The following PFDN4 variants were observed in gnomAD, a reference collection of about 807,000 sequenced individuals.
PFDN4 encodes the protein prefoldin 4.
A neutral mutation model predicts 17.6 loss-of-function variants in PFDN4; 6 were observed. The ratio of observed to expected loss-of-function variants is 0.34; its 90% CI spans 0.19 to 0.67. The LOEUF (loss-of-function observed/expected upper bound fraction) is 0.67, where lower values mean the gene tolerates loss of function less well. Ranked by LOEUF, PFDN4 falls within the 30% of genes least tolerant of loss-of-function variation. The pLI is 0.68. For missense variants in PFDN4, 119 were observed against 158.4 expected, an observed-to-expected ratio of 0.75 and a Z score of 1.33; for synonymous variants, 48 against 51.1, an observed-to-expected ratio of 0.94 and a Z score of 0.26.
At chr20:54,217,014 T>C (rs1166993153) in intron 3 of PFDN4, among the ~76,000 whole-genome samples, 1 of 152,184 alleles carries the variant, frequency 6.6e-6, no homozygotes, top group East Asian at 1.9e-4. Flanking sequence ...GAGTGCTTAC[T>C]CTGTATCAGG....
chr20:54,214,599 G>C (rs1282885269), intron 2 of PFDN4, 141 bp downstream of exon 2: 3 of 509,824 alleles, frequency 5.9e-6, no homozygotes, highest in East Asian at 3.4e-5. Flanking sequence ...TAAGCAGAAA[G>C]TCATTTTTTT....
chr20:54,208,129 G>T lies in PFDN4; in HGVS notation c.24+5G>T, dbSNP rs1314769548. The T allele has an allele frequency of 6.4e-7, 1 of 1,555,968 alleles. No individual in the cohort carries two copies. Among genetic ancestry groups the T allele is most frequent in the Admixed American group, 1.9e-5 (1 of 52,990 alleles). On this transcript the variant is annotated splice_donor_5th_base_variant and intron_variant, in intron 1 of 3. Transcript: ENST00000371419. ...GCGGCCACCATGAAGAAGGCGGTGA[G>T]TGGGGAGCTCGGGGCTCTGGATGCT...
chr20:54,218,991 G>T (rs771718902), intron 3 of PFDN4, 28 bp from the exon 4 acceptor site: 5 of 1,351,490 alleles, frequency 3.7e-6, no homozygotes, highest in South Asian at 2.7e-5. Flanking sequence ...CTATTGAATA[G>T]AATTAATTTA....
intron 1 of PFDN4, among the ~76,000 whole-genome samples, chr20:54,211,194 C>T (rs1417554157): frequency 1.3e-5 from 2 of 152,100 alleles, no homozygotes; most frequent in Admixed American, 1.3e-4. Context: ...CTGAAATTGG[C>T]CAGAATTTAT....
At chr20:54,216,389 C>T (rs950333696) in intron 3 of PFDN4, among the ~76,000 whole-genome samples, 6 of 152,160 alleles carry the variant, frequency 3.9e-5, no homozygotes, top group African/African-American at 9.7e-5. Flanking sequence ...AGCAAAACTT[C>T]GTATGAATGA....
intron 1 of PFDN4, 61 bp from the exon 2 acceptor site, chr20:54,214,290 T>C (rs2092759731): frequency 8.3e-6 from 7 of 845,034 alleles, no homozygotes; most frequent in Non-Finnish European, 1.2e-5. Context: ...TTGAGAAATA[T>C]AAAAAGCTAA....
chr20:54,216,374 T>TA (rs2092762439), intron 3 of PFDN4, among the ~76,000 whole-genome samples: 1 of 152,196 alleles, frequency 6.6e-6, no homozygotes, highest in Admixed American at 6.5e-5. Context: ...TCAAATGTCA[T>TA]AAAAAGCAAA....
rs191522539 is a variant in PFDN4, at chr20:54,213,452, C to T, written c.25-899C>T. Among the ~76,000 whole-genome samples, 250 of 152,320 alleles carry T rather than the reference C, an allele frequency of 1.6e-3. 1 individual carries two copies. Among genetic ancestry groups the T allele is most frequent in the African/African-American group, 5.2e-3 (218 of 41,570 alleles). On this transcript the variant is annotated intron_variant, in intron 1 of 3. Transcript: ENST00000371419. ...ACTCACAGAGACGCACGTTCACATT[C>T]AGTTACCGAGAACTCATGGACCTGT... is the stretch of plus-strand genomic sequence containing the variant.
intron 1 of PFDN4, among the ~76,000 whole-genome samples, chr20:54,212,054 A>G (rs1219833310): frequency 3.3e-5 from 5 of 152,050 alleles, no homozygotes; most frequent in Non-Finnish European, 7.4e-5. Flanking sequence ...TTAGCCGGAC[A>G]TGGTGGCATG....
intron 3 of PFDN4, among the ~76,000 whole-genome samples, chr20:54,217,329 C>T (rs544275316): frequency 2.6e-5 from 4 of 152,152 alleles, no homozygotes; most frequent in African/African-American, 9.6e-5. Context: ...CATGTGTGAA[C>T]GGCCATAGGA....
chr20:54,219,862 T>C lies in PFDN4; in HGVS notation c.*712T>C, dbSNP rs981895388. On this transcript the variant is annotated 3_prime_UTR_variant, in exon 4 of 4. Transcript: ENST00000371419. ...TTTTATTTTAGTGCTTTGTAATTAA[T>C]TGGGGTTTATATTGATAAAGATGTG... The C allele has an allele frequency of 2.5e-6, 1 of 396,338 alleles. No individual in the cohort carries two copies. The highest frequency in any genetic ancestry group is 2.1e-5 in the African/African-American group (1 of 48,590). 24.6% of individuals were successfully genotyped at this position (396,338 alleles called of 1,614,324 possible). A position where few individuals can be genotyped will look rare whatever the true frequency, so the allele number is the denominator to read the frequency against.
intron 2 of PFDN4, among the ~76,000 whole-genome samples, chr20:54,214,957 A>T (rs6013930): frequency 0.027 from 4,073 of 152,312 alleles, 103 homozygotes; most frequent in African/African-American, 0.056. Context: ...CCCTATCAGC[A>T]AGCAAGGCTG....
intron 2 of PFDN4, 74 bp downstream of exon 2, chr20:54,214,532 T>A (rs1360558522): frequency 5.9e-5 from 39 of 661,018 alleles, no homozygotes; most frequent in Non-Finnish European, 2.1e-5. Flanking sequence ...AGTTAACAAG[T>A]GAATATATAT....
chr20:54,215,157 A>G (rs2092760949), intron 2 of PFDN4, 143 bp from the exon 3 acceptor site: 2 of 537,800 alleles, frequency 3.7e-6, no homozygotes, highest in Non-Finnish European at 3.3e-6. Context: ...CTAAAAAGTT[A>G]CAAATTAAGG....
chr20:54,209,263 G>A (rs1236153349), intron 1 of PFDN4, among the ~76,000 whole-genome samples: 1 of 152,162 alleles, frequency 6.6e-6, no homozygotes, highest in East Asian at 1.9e-4. Flanking sequence ...GCTATAGGGG[G>A]TCTTTGATGA....
intron 1 of PFDN4, 71 bp from the exon 2 acceptor site, chr20:54,214,280 T>C (rs2092759726): frequency 3.9e-6 from 3 of 776,482 alleles, no homozygotes; most frequent in East Asian, 5.3e-5. Flanking sequence ...TGAGTTATTG[T>C]TGAGAAATAT....
At chr20:54,209,762 A>C (rs981170411) in intron 1 of PFDN4, among the ~76,000 whole-genome samples, 5 of 152,168 alleles carry the variant, frequency 3.3e-5, no homozygotes, top group African/African-American at 1.2e-4. Context: ...TCTAATTACC[A>C]ACTTTTTTTT....
intron 3 of PFDN4, among the ~76,000 whole-genome samples, chr20:54,215,807 T>A (rs2092761725): frequency 6.6e-6 from 1 of 152,260 alleles, no homozygotes; most frequent in African/African-American, 2.4e-5. Flanking sequence ...CCATTCATAG[T>A]GAACATTTTC....
rs2092766936 is a variant in PFDN4, at chr20:54,219,487, T to G, written c.*337T>G. 1 of 378,356 alleles carries G rather than the reference T, an allele frequency of 2.6e-6. No individual in the cohort carries two copies. The highest frequency in any genetic ancestry group is 2.1e-5 in the African/African-American group (1 of 48,240). 23.4% of individuals were successfully genotyped at this position (378,356 alleles called of 1,614,324 possible). A position where few individuals can be genotyped will look rare whatever the true frequency, so the allele number is the denominator to read the frequency against. On this transcript the variant is annotated 3_prime_UTR_variant, in exon 4 of 4. Coordinates refer to ENST00000371419, the MANE Select transcript of PFDN4 (RefSeq NM_002623.4). ...AAGAAAATTTAACAGTTGTGTCATG[T>G]TGTTTCTGTCTGATTTTAATTGCTG...
Sources: gnomAD v4.1 joint callset for allele counts (sites outside exome capture counted in the v4.1 genomes callset) on GRCh38, gnomAD v4.1.1 for gene constraint, MANE v1.5 for transcripts, NCBI Gene and HGNC (gene_info 2026-07-23, HGNC 2026-07-21) for gene names.